The following SMYD2 variants were observed in gnomAD, a reference collection of about 807,000 sequenced individuals.
SMYD2 encodes N-lysine methyltransferase SMYD2.
Under a neutral mutation model 59.1 loss-of-function variants are expected in SMYD2, and 53 were observed. The observed-to-expected ratio is 0.90, with a 90% confidence interval of 0.72 to 1.13. The LOEUF is 1.13. Among genes scored for constraint, SMYD2 ranks in the 50% most tolerant of loss-of-function variants. The probability of loss-of-function intolerance (pLI) is 0.00; values close to 1 mark genes in which losing one functional copy is unlikely to be tolerated. For missense variants in SMYD2, 494 were observed against 544.7 expected, an observed-to-expected ratio of 0.91 and a Z score of 0.93; for synonymous variants, 208 against 198.8, an observed-to-expected ratio of 1.05 and a Z score of -0.39.
In SMYD2 at chr1:214,281,538, T is replaced by C. The variant is rs1222939516; in HGVS notation, c.173+111T>C. ...GCTCGCGGGGTCCTAGCGCCGGCCC[T>C]TGGGGCGGGGTGGGGGGCGGGGAGG... On this transcript the variant is annotated intron_variant, in intron 1 of 11. Coordinates refer to ENST00000366957, the MANE Select transcript of SMYD2 (RefSeq NM_020197.3). The C allele has an allele frequency of 7.8e-6, 3 of 386,486 alleles. No homozygotes were observed. The East Asian group carries it at 3.8e-4, about 48-fold the overall frequency. 23.9% of individuals were successfully genotyped at this position (386,486 alleles called of 1,614,324 possible).
intron 2 of SMYD2, among the ~76,000 whole-genome samples, chr1:214,306,148 G>A (rs1257955390): frequency 6.6e-6 from 1 of 152,038 alleles, no homozygotes; most frequent in African/African-American, 2.4e-5. Context: ...GTGGCTCTAC[G>A]GGACAGGGAA....
chr1:214,292,625 C>A (rs1448596973), intron 1 of SMYD2, among the ~76,000 whole-genome samples: 3 of 152,180 alleles, frequency 2.0e-5, no homozygotes, highest in African/African-American at 7.2e-5. Flanking sequence ...TGGCCCTTTG[C>A]ATAGGCCTCA....
chr1:214,310,462 T>G (rs1245049778), intron 2 of SMYD2, among the ~76,000 whole-genome samples: 2 of 151,960 alleles, frequency 1.3e-5, no homozygotes, highest in African/African-American at 2.4e-5. Context: ...TTGGTATATA[T>G]CTTCCTGAAT....
intron 1 of SMYD2, among the ~76,000 whole-genome samples, chr1:214,287,530 C>T (rs1365176567): frequency 2.3e-5 from 3 of 129,816 alleles, no homozygotes; most frequent in East Asian, 2.2e-4. Context: ...GAGGTTGTGG[C>T]GAGTTGAGAG....
chr1:214,305,720 G>A (rs946265970), intron 2 of SMYD2, among the ~76,000 whole-genome samples: 1 of 152,218 alleles, frequency 6.6e-6, no homozygotes, highest in South Asian at 2.1e-4. Flanking sequence ...CCAGAGGGGG[G>A]GCTATTCTGA....
chr1:214,327,718 AGAG>A lies in SMYD2; in HGVS notation c.704_705+1del, dbSNP rs1361804285. On this transcript the variant is annotated inframe_deletion, in exon 7 of 12. Coordinates refer to ENST00000366957, the MANE Select transcript of SMYD2 (RefSeq NM_020197.3). ...GAGCTGTACAGGAAATCAAGCCGGG[AGAG>A]GAGGTGAGTTCATGGCTATGGGTGG... 1.2e-6 allele frequency: 2 copies of A among 1,613,958 alleles called. No homozygotes were observed. The highest frequency in any genetic ancestry group is 1.7e-6 in the Non-Finnish European group (2 of 1,179,948).
At chr1:214,306,253 G>A (rs1656913521) in intron 2 of SMYD2, among the ~76,000 whole-genome samples, 1 of 150,824 alleles carries the variant, frequency 6.6e-6, no homozygotes, top group South Asian at 2.1e-4. Flanking sequence ...GGTCTACTTT[G>A]GATTACCCAC....
chr1:214,296,514 A>G (rs1656730240), intron 1 of SMYD2, among the ~76,000 whole-genome samples: 1 of 152,214 alleles, frequency 6.6e-6, no homozygotes, highest in African/African-American at 2.4e-5. Flanking sequence ...GACTGTGCTG[A>G]TGGTATTTCA....
chr1:214,317,940 GTGGAGTCCTTGAGTAGCT>G, intron 3 of SMYD2, 121 bp from the exon 4 acceptor site: 1 of 809,436 alleles, frequency 1.2e-6, no homozygotes, highest in African/African-American at 1.7e-5. Context: ...AGCCCTAGTG[GTGGAGTCCTTGAGTAGCT>G]TGTTTTACTT....
At chr1:214,294,271 C>G (rs1457586366) in intron 1 of SMYD2, among the ~76,000 whole-genome samples, 1 of 152,176 alleles carries the variant, frequency 6.6e-6, no homozygotes, top group Non-Finnish European at 1.5e-5. Flanking sequence ...TTCGCCTAAA[C>G]AAATTGGTAA....
At chr1:214,334,098 G>A (rs965095197) in intron 10 of SMYD2, 102 bp from the exon 11 acceptor site, 1 of 1,005,606 alleles carries the variant, frequency 9.9e-7, no homozygotes, top group Non-Finnish European at 1.5e-6. Flanking sequence ...GGTGGGCAGA[G>A]GTTGGCCCTA....
chr1:214,336,603 C>T, intron 11 of SMYD2, 101 bp from the exon 12 acceptor site: 1 of 961,702 alleles, frequency 1.0e-6, no homozygotes, highest in Non-Finnish European at 1.6e-6. Flanking sequence ...CAGTTTGCAT[C>T]CTGTGCCTTA....
chr1:214,303,260 C>T (rs1656855310), intron 1 of SMYD2, among the ~76,000 whole-genome samples: 1 of 152,188 alleles, frequency 6.6e-6, no homozygotes, highest in East Asian at 1.9e-4. Context: ...AGTTTGCAAG[C>T]TTCCTCCCTG....
chr1:214,293,439 T>C (rs1656670948), intron 1 of SMYD2, among the ~76,000 whole-genome samples: 1 of 152,190 alleles, frequency 6.6e-6, no homozygotes, highest in East Asian at 1.9e-4. Flanking sequence ...TAATTTAATA[T>C]TTACATTTTT....
At chr1:214,303,785 C>G (rs1277020477) in intron 1 of SMYD2, among the ~76,000 whole-genome samples, 1 of 152,188 alleles carries the variant, frequency 6.6e-6, no homozygotes, top group Non-Finnish European at 1.5e-5. Context: ...TGTCAGCCCC[C>G]ACCGCGCACG....
chr1:214,318,280 G>A lies in SMYD2; in HGVS notation c.409+141G>A, dbSNP rs1476634602. 9.3e-6 allele frequency: 7 copies of A among 751,390 alleles called. No individual in the cohort carries two copies. The highest frequency in any genetic ancestry group is 1.5e-5 in the Non-Finnish European group (7 of 476,372). The allele number at this position is 751,390 out of a possible 1,614,324, so 46.5% of individuals were successfully genotyped here. A position where few individuals can be genotyped will look rare whatever the true frequency, so the allele number is the denominator to read the frequency against. On this transcript the variant is annotated intron_variant, in intron 4 of 11. Transcript: ENST00000366957. This position sits in a 1 kb window ranked among gnomAD's most constrained non-coding sequence, Gnocchi z 5.4. ...ATTACTAGTTTTTATTTTTACTCTTGTGCTGTTTCGAAAAGCACTTTTAGC... is the reference window on the plus strand; with the variant it reads ...ATTACTAGTTTTTATTTTTACTCTTATGCTGTTTCGAAAAGCACTTTTAGC...
intron 8 of SMYD2, among the ~76,000 whole-genome samples, chr1:214,330,513 C>G (rs1657335658): frequency 6.6e-6 from 1 of 152,222 alleles, no homozygotes; most frequent in African/African-American, 2.4e-5. Flanking sequence ...GTCTGCCGAA[C>G]TGCTCTTTCT....
In SMYD2 at chr1:214,324,658, C is replaced by T. The variant is rs758775947; in HGVS notation, c.552C>T (p.Phe184=). 6.2e-7 allele frequency: 1 copy of T among 1,613,028 alleles called. No individual in the cohort carries two copies. The highest frequency in any genetic ancestry group is 8.5e-7 in the Non-Finnish European group (1 of 1,179,714). ...VLFAQVNCNG[F]TIEDEELSHL... ...TGCTGCAGGTTAACTGTAATGGCTT[C>T]ACAATTGAAGATGAAGAACTTTCTC... Residue 184 remains phenylalanine (F), a synonymous_variant, in exon 6 of 12, where the codon TTC becomes TTT. Transcript: ENST00000366957.
At chr1:214,289,059 G>A (rs990812918) in intron 1 of SMYD2, among the ~76,000 whole-genome samples, 15 of 151,556 alleles carry the variant, frequency 9.9e-5, no homozygotes, top group Non-Finnish European at 1.5e-5. Flanking sequence ...CCCCTGGTTG[G>A]TATTCCTGTA....
Sources: gnomAD v4.1 joint callset for allele counts (sites outside exome capture counted in the v4.1 genomes callset) on GRCh38, gnomAD v4.1.1 for gene constraint, Gnocchi (gnomAD v3.1) non-coding constraint, MANE v1.5 for transcripts, NCBI Gene and HGNC (gene_info 2026-07-23, HGNC 2026-07-21) for gene names.